Variants in DRD4 observed in about 807,000 individuals in gnomAD.
DRD4 encodes dopamine receptor D4.
In DRD4, 26 loss-of-function variants were observed where a neutral mutation model predicts 22.1. That is an observed-to-expected ratio of 1.17 (90% CI 0.86 to 1.63). The LOEUF is 1.63. Among genes scored for constraint, DRD4 ranks in the 40% most tolerant of loss-of-function variants. The pLI, the probability that DRD4 is intolerant of heterozygous loss-of-function variation, is 0.00. For synonymous variants in DRD4, 455 were observed against 306.7 expected (o/e 1.48, Z -5.05); for missense variants, 913 against 632.4 (o/e 1.44, Z -4.76).
Position 640,118 on chromosome 11 carries a change from G to A in DRD4, c.869G>A (p.Cys290Tyr). Residue 290 changes from cysteine to tyrosine, a missense_variant, in exon 3 of 4, where the codon TGC becomes TAC. By Grantham distance (194) the Cys-to-Tyr change is radical. Coordinates refer to ENST00000176183, the MANE Select transcript of DRD4 (RefSeq NM_000797.4). Reference sequence around the variant, plus strand: ...GCGCCCAGCCTCCCCCAGGACCCCTGCGGCCCCGACTGTGCGCCCCCCGCG... The same window carrying A: ...GCGCCCAGCCTCCCCCAGGACCCCTACGGCCCCGACTGTGCGCCCCCCGCG... The part of the protein sequence containing the change: ...PAAPSLPQDP[C>Y]GPDCAPPAPG... The A allele has an allele frequency of 7.2e-7, 1 of 1,388,352 alleles. No individual in the cohort carries two copies. The highest frequency in any genetic ancestry group is 9.4e-7 in the Non-Finnish European group (1 of 1,066,258). The allele number at this position is 1,388,352 out of a possible 1,614,324, so 86.0% of individuals were successfully genotyped here.
In DRD4 at chr11:639,893, C is replaced by T. The variant is rs1359548362; in HGVS notation, c.644C>T (p.Thr215Met). 2.1e-5 allele frequency: 33 copies of T among 1,557,396 alleles called. No individual in the cohort carries two copies. The highest frequency in any genetic ancestry group is 2.3e-5 in the Non-Finnish European group (27 of 1,157,340). ...CPLMLLLYWA[T>M]FRGLQRWEVA... ...CTCATGCTGCTGCTCTACTGGGCCACGTTCCGCGGCCTGCAGCGCTGGGAG... is the reference window on the plus strand; with the variant it reads ...CTCATGCTGCTGCTCTACTGGGCCATGTTCCGCGGCCTGCAGCGCTGGGAG... The change falls in exon 3 of 4, where the codon ACG becomes ATG. Residue 215 changes from threonine (T) to methionine (M), a missense_variant. Thr to Met is a moderately conservative substitution (Grantham distance 81). Coordinates refer to ENST00000176183, the MANE Select transcript of DRD4 (RefSeq NM_000797.4).
rs1225048863 is a variant in DRD4 at position 639,841 on chromosome 11, G to A, written c.592G>A (p.Val198Met). The A allele has an allele frequency of 6.3e-7, 1 of 1,586,138 alleles. No individual in the cohort carries two copies. Among genetic ancestry groups the A allele is most frequent in the South Asian group, 1.1e-5 (1 of 89,894 alleles). The change falls in exon 3 of 4, where the codon GTG (valine) becomes ATG (methionine). Residue 198 changes from valine (V) to methionine (M), a missense_variant. Transcript: ENST00000176183. The part of the protein sequence containing the change: ...EDRDYVVYSS[V>M]CSFFLPCPLM... ...CCGCGACTACGTGGTCTACTCGTCC[G>A]TGTGCTCCTTCTTCCTACCCTGCCC...
chr11:639,541 G>T lies in DRD4; in HGVS notation c.394G>T (p.Asp132Tyr). 6.4e-7 allele frequency: 1 copy of T among 1,569,938 alleles called. No homozygotes were observed. The highest frequency in any genetic ancestry group is 1.8e-5 in the Admixed American group (1 of 56,818). Reference protein sequence around the residue: ...SIFNLCAISVDRFVAVAVPLR... With the variant: ...SIFNLCAISVYRFVAVAVPLR... The stretch of plus-strand genomic sequence containing the variant: ...CTTCAACCTGTGCGCCATCAGCGTG[G>T]ACAGGTGCGCCGCCCTCCCCGCCCG... Residue 132 changes from aspartate (D) to tyrosine (Y), a missense_variant, in exon 2 of 4, where the codon GAC becomes TAC. Physicochemically the swap from Asp to Tyr is radical, Grantham distance 160. Coordinates refer to ENST00000176183, the MANE Select transcript of DRD4 (RefSeq NM_000797.4).
intron 1 of DRD4, among the ~76,000 whole-genome samples, chr11:637,939 A>C (rs889849396): frequency 6.6e-6 from 1 of 152,200 alleles, no homozygotes; most frequent in Non-Finnish European, 1.5e-5. Flanking sequence ...CAGGGCAGCC[A>C]GCTGGACAGA....
At position 640,510 on chromosome 11, in the gene DRD4, C is replaced by T. The variant is rs1589959468; in HGVS notation, c.1167C>T (p.Gly389=). ...PRLVSAVTWL[G]YVNSALNPVI... is the part of the protein sequence containing the mutation. ...TGGTCAGCGCCGTCACCTGGCTGGG[C>T]TACGTCAACAGCGCCCTCAACCCCG... The change falls in exon 4 of 4, where the codon GGC becomes GGT. Residue 389 remains glycine, a synonymous_variant. Transcript: ENST00000176183. 1 of 1,601,726 alleles carries T rather than the reference C, an allele frequency of 6.2e-7. No homozygotes were observed. The highest frequency in any genetic ancestry group is 8.5e-7 in the Non-Finnish European group (1 of 1,179,820).
At chr11:637,613 G>C (rs753316384) in intron 1 of DRD4, 24 bp downstream of exon 1, 2 of 1,540,216 alleles carry the variant, frequency 1.3e-6, no homozygotes, top group Admixed American at 2.0e-5. Flanking sequence ...GGCCGCACGA[G>C]CATCCTCACC....
intron 2 of DRD4, 50 bp downstream of exon 2, chr11:639,595 C>CGCCCTCACCGCG (rs1456673482): frequency 2.8e-5 from 36 of 1,298,430 alleles, no homozygotes; most frequent in Non-Finnish European, 3.4e-5. Context: ...CCCCGCCCGC[C>CGCCCTCACCGCG]GCCCTCACCG....
Position 639,371 on chromosome 11 carries a change from G to C in DRD4, c.286-62G>C, listed in dbSNP as rs1032585350. On this transcript the variant is annotated intron_variant, in intron 1 of 3. Transcript: ENST00000176183. ...GCCCTGGAACTACCCATAAGAGTGG[G>C]GGCGGGTCACAAGGGCCCGCGGTGG... 9.1e-5 allele frequency: 131 copies of C among 1,438,958 alleles called. No individual in the cohort carries two copies. The African/African-American group carries it at 1.8e-3, about 20-fold the overall frequency. The allele number at this position is 1,438,958 out of a possible 1,614,324, so 89.1% of individuals were successfully genotyped here. A position where few individuals can be genotyped will look rare whatever the true frequency, so the allele number is the denominator to read the frequency against.
intron 1 of DRD4, among the ~76,000 whole-genome samples, chr11:638,684 G>A (rs1018809210): frequency 6.6e-6 from 1 of 152,052 alleles, no homozygotes; most frequent in Non-Finnish European, 1.5e-5. Flanking sequence ...AGCCAGCTTC[G>A]CTTCTAGGCC....
rs1340784875 is a variant in DRD4 at position 637,460 on chromosome 11, C to T, written c.156C>T (p.Asn52=). ...TCATCGGCGCGGTGCTCGCGGGGAA[C>T]TCGCTCGTGTGCGTGAGCGTGGCCA... The part of the protein sequence containing the change: ...VLLIGAVLAG[N]SLVCVSVATE... Residue 52 remains asparagine (N), a synonymous_variant, in exon 1 of 4, where the codon AAC becomes AAT. Transcript: ENST00000176183. The T allele has an allele frequency of 5.9e-6, 9 of 1,536,048 alleles. No individual in the cohort carries two copies. In the African/African-American group the frequency reaches 6.8e-5, roughly 12 times the overall value.
rs1858183114 is a variant in DRD4, at chr11:640,063, G to C, written c.814G>C (p.Gly272Arg). Residue 272 changes from glycine (G) to arginine (R), a missense_variant, in exon 3 of 4, where the codon GGT becomes CGT. Gly to Arg is a moderately radical substitution (Grantham distance 125). Coordinates refer to ENST00000176183, the MANE Select transcript of DRD4 (RefSeq NM_000797.4). The stretch of plus-strand genomic sequence containing the variant: ...GCCCCCCGCGCCCGGCCTTCCCCGG[G>C]GTCCCTGCGGCCCCGACTGTGCGCC... ...CAPPAPGLPR[G>R]PCGPDCAPAA... is the part of the protein sequence containing the mutation. 5 of 1,120,318 alleles carry C rather than the reference G, an allele frequency of 4.5e-6. No individual in the cohort carries two copies. The African/African-American group carries it at 6.6e-5, about 15-fold the overall frequency. The allele number at this position is 1,120,318 out of a possible 1,614,324, so 69.4% of individuals were successfully genotyped here. A position where few individuals can be genotyped will look rare whatever the true frequency, so the allele number is the denominator to read the frequency against.
In DRD4 at chr11:637,543, ACCT is replaced by A. The variant is rs1179844427; in HGVS notation, c.247_249del (p.Leu83del). On this transcript the variant is annotated inframe_deletion, in exon 1 of 4. Coordinates refer to ENST00000176183, the MANE Select transcript of DRD4 (RefSeq NM_000797.4). ...TTCATCGTGAGCCTGGCGGCCGCCG[ACCT>A]CCTCCTCGCTCTCCTGGTGCTGCCG... The A allele has an allele frequency of 1.3e-5, 20 of 1,522,398 alleles. No homozygotes were observed. The highest frequency in any genetic ancestry group is 5.7e-5 in the Admixed American group (3 of 52,832). The allele number at this position is 1,522,398 out of a possible 1,614,324, so 94.3% of individuals were successfully genotyped here. A position where few individuals can be genotyped will look rare whatever the true frequency, so the allele number is the denominator to read the frequency against.
In DRD4 at chr11:639,919, G is replaced by T. The variant is rs1173693031; in HGVS notation, c.670G>T (p.Val224Leu). 8 of 1,551,750 alleles carry T rather than the reference G, an allele frequency of 5.2e-6. No individual in the cohort carries two copies. The highest frequency in any genetic ancestry group is 3.5e-6 in the Non-Finnish European group (4 of 1,157,578). ...GTTCCGCGGCCTGCAGCGCTGGGAGGTGGCACGTCGCGCCAAGCTGCACGG... is the reference window on the plus strand; with the variant it reads ...GTTCCGCGGCCTGCAGCGCTGGGAGTTGGCACGTCGCGCCAAGCTGCACGG... Reference protein sequence around the residue: ...ATFRGLQRWEVARRAKLHGRA... With the variant: ...ATFRGLQRWELARRAKLHGRA... Residue 224 changes from valine (V) to leucine (L), a missense_variant, in exon 3 of 4, where the codon GTG (valine) becomes TTG (leucine). By Grantham distance (32) the Val-to-Leu change is conservative. Coordinates refer to ENST00000176183, the MANE Select transcript of DRD4 (RefSeq NM_000797.4).
At chr11:640,375 G>T (rs750118457) in intron 3 of DRD4, 26 bp from the exon 4 acceptor site, 1 of 1,592,368 alleles carries the variant, frequency 6.3e-7, no homozygotes, top group South Asian at 1.1e-5. Context: ...GGCGGGGGGC[G>T]CTAACGCGGC....
chr11:639,557 T>TCCCCGCCCGCGCCCCGGCGCCCCCGCG lies in DRD4; in HGVS notation c.398+23_398+49dup. Reference sequence around the variant, plus strand: ...ATCAGCGTGGACAGGTGCGCCGCCCTCCCCGCCCGCGCCCCGGCGCCCCCG... The same window carrying TCCCCGCCCGCGCCCCGGCGCCCCCGCG: ...ATCAGCGTGGACAGGTGCGCCGCCCTCCCCGCCCGCGCCCCGGCGCCCCCGCGCCCCGCCCGCGCCCCGGCGCCCCCG... On this transcript the variant is annotated intron_variant, in intron 2 of 3. Coordinates refer to ENST00000176183, the MANE Select transcript of DRD4 (RefSeq NM_000797.4). The TCCCCGCCCGCGCCCCGGCGCCCCCGCG allele has an allele frequency of 1.0e-5, 15 of 1,458,206 alleles. No individual in the cohort carries two copies. The highest frequency in any genetic ancestry group is 1.3e-5 in the Non-Finnish European group (14 of 1,106,248). The allele number at this position is 1,458,206 out of a possible 1,614,324, so 90.3% of individuals were successfully genotyped here. A position where few individuals can be genotyped will look rare whatever the true frequency, so the allele number is the denominator to read the frequency against.
In DRD4 at chr11:639,423, C is replaced by T. The variant is rs750759185; in HGVS notation, c.286-10C>T. On this transcript the variant is annotated splice_polypyrimidine_tract_variant and intron_variant, in intron 1 of 3. Transcript: ENST00000176183. ...TGGGAAACCTCAGGGCCTGTGGTGT[C>T]GCCGCGCAGGTCCAGGGTGGCGCGT... 3.8e-6 allele frequency: 6 copies of T among 1,580,714 alleles called. No individual in the cohort carries two copies. The highest frequency in any genetic ancestry group is 1.7e-4 in the Middle Eastern group (1 of 6,048).
At chr11:640,345 G>C (rs763981192) in intron 3 of DRD4, 39 bp downstream of exon 3, 15 of 1,554,250 alleles carry the variant, frequency 9.7e-6, no homozygotes, top group Admixed American at 7.4e-5. Context: ...GAGAGGAGGG[G>C]GGGGGTACGA....
Position 640,100 on chromosome 11 carries a change from G to A in DRD4, c.851G>A (p.Ser284Asn), listed in dbSNP as rs747895844. Residue 284 changes from serine to asparagine, a missense_variant, in exon 3 of 4, where the codon AGC becomes AAC. Physicochemically the swap from Ser to Asn is conservative, Grantham distance 46 (BLOSUM62 1). Transcript: ENST00000176183. Reference protein sequence around the residue: ...CGPDCAPAAPSLPQDPCGPDC... With the variant: ...CGPDCAPAAPNLPQDPCGPDC... Reference sequence around the variant, plus strand: ...CCCGACTGTGCGCCCGCCGCGCCCAGCCTCCCCCAGGACCCCTGCGGCCCC... The same window carrying A: ...CCCGACTGTGCGCCCGCCGCGCCCAACCTCCCCCAGGACCCCTGCGGCCCC... The A allele has an allele frequency of 8.7e-6, 11 of 1,262,248 alleles. No individual in the cohort carries two copies. The East Asian group carries it at 2.9e-4, about 33-fold the overall frequency. The allele number at this position is 1,262,248 out of a possible 1,614,324, so 78.2% of individuals were successfully genotyped here.
At chr11:639,195 C>T (rs867857224) in intron 1 of DRD4, 6 of 538,282 alleles carry the variant, frequency 1.1e-5, no homozygotes, top group African/African-American at 9.7e-5. Flanking sequence ...TTCCAGGCTA[C>T]AGTGAGCCAT....
Sources: gnomAD v4.1 joint callset for allele counts (sites outside exome capture counted in the v4.1 genomes callset) on GRCh38, gnomAD v4.1.1 for gene constraint, MANE v1.5 for transcripts, NCBI Gene and HGNC (gene_info 2026-07-23, HGNC 2026-07-21) for gene names.